The following PXDN variants were observed in gnomAD, a reference collection of about 807,000 sequenced individuals.
PXDN encodes peroxidasin homolog.
Under a neutral mutation model 140.3 loss-of-function variants are expected in PXDN, and 77 were observed. The observed-to-expected ratio is 0.55, with a 90% CI of 0.46 to 0.66. The LOEUF (loss-of-function observed/expected upper bound fraction) is 0.66. Among genes scored for constraint, PXDN ranks in the 30% least tolerant of loss-of-function variants. The pLI, the probability that PXDN is intolerant of heterozygous loss-of-function variation, is 0.00. For missense variants in PXDN, 1,838 were observed against 2,039.5 expected (o/e 0.90, Z 1.90); for synonymous variants, 911 against 857.4 (o/e 1.06, Z -1.09).
chr2:1,736,150 T>C (rs548704968), intron 1 of PXDN, among the ~76,000 whole-genome samples: 15 of 152,358 alleles, frequency 9.8e-5, no homozygotes, highest in African/African-American at 3.1e-4. Flanking sequence ...TGGAATGTTG[T>C]GGCTGGTTTG....
Position 1,648,192 on chromosome 2 carries a change from C to T in PXDN, c.3588G>A (p.Glu1196=). 6.2e-7 allele frequency: 1 copy of T among 1,612,474 alleles called. No homozygotes were observed. The highest frequency in any genetic ancestry group is 8.5e-7 in the Non-Finnish European group (1 of 1,178,588). Reference sequence around the variant, plus strand: ...CTCACCTTTTCAGTTTCTCCCGGATCTCAGGGTTTTTAATCTCATTTTTCA... The same window carrying T: ...CTCACCTTTTCAGTTTCTCCCGGATTTCAGGGTTTTTAATCTCATTTTTCA... ...EDLKNEIKNP[E]IREKLKRLYG... The change falls in exon 17 of 23, where the codon GAG becomes GAA. Residue 1196 remains glutamate, a synonymous_variant. Coordinates refer to ENST00000252804, the MANE Select transcript of PXDN (RefSeq NM_012293.3). This position sits in a 1 kb window ranked among gnomAD's most constrained non-coding sequence, Gnocchi z 8.9.
At chr2:1,642,861 C>G (rs1682761033) in intron 19 of PXDN, among the ~76,000 whole-genome samples, 1 of 152,220 alleles carries the variant, frequency 6.6e-6, no homozygotes. Flanking sequence ...ACAGGGCCCC[C>G]CGCGCCAATC....
rs1685361854 is a variant in PXDN at position 1,733,678 on chromosome 2, G to A, written c.200+10578C>T. ...AATCGCTTGAACCCGGGAGGCGGAG[G>A]CTGCAGTGAGCCGAGATGGTGCCAC... On this transcript the variant is annotated intron_variant, in intron 1 of 22. Transcript: ENST00000252804. Among the ~76,000 whole-genome samples, 5 of 148,946 alleles carry A rather than the reference G, an allele frequency of 3.4e-5. 1 individual carries two copies. The Admixed American group carries it at 3.4e-4, about 10-fold the overall frequency.
At chr2:1,652,570 C>T (rs1224794302) in intron 16 of PXDN, among the ~76,000 whole-genome samples, 1 of 152,054 alleles carries the variant, frequency 6.6e-6, no homozygotes, top group African/African-American at 2.4e-5. Context: ...AGGTCTCCAA[C>T]TCCAACATTT....
chr2:1,707,996 T>A (rs150788626), intron 1 of PXDN, among the ~76,000 whole-genome samples: 6 of 152,308 alleles, frequency 3.9e-5, no homozygotes, highest in African/African-American at 1.2e-4. Flanking sequence ...GCGGAGCTCT[T>A]CTCCAGCTGG....
Position 1,648,405 on chromosome 2 carries a change from C to T in PXDN, c.3375G>A (p.Ala1125=), listed in dbSNP as rs368582969. 12 of 1,611,988 alleles carry T rather than the reference C, an allele frequency of 7.4e-6. No homozygotes were observed. Among genetic ancestry groups the T allele is most frequent in the East Asian group, 4.5e-5 (2 of 44,878 alleles). The change falls in exon 17 of 23, where the codon GCG becomes GCA. Residue 1125 remains alanine (A), a synonymous_variant. Transcript: ENST00000252804. This position sits in a 1 kb window ranked among gnomAD's most constrained non-coding sequence, Gnocchi z 8.9. ...DPLLRGLFGV[A]GKMRVPSQLL... ...GCTGCGAGGGCACACGCATTTTCCC[C>T]GCCACCCCGAACAGCCCCCTGAGAA... is the stretch of plus-strand genomic sequence containing the variant.
At chr2:1,737,763 T>C (rs1685454088) in intron 1 of PXDN, among the ~76,000 whole-genome samples, 1 of 152,180 alleles carries the variant, frequency 6.6e-6, no homozygotes, top group Non-Finnish European at 1.5e-5. Context: ...GGTCTTGAAC[T>C]CCTGACCTCA....
intron 1 of PXDN, among the ~76,000 whole-genome samples, chr2:1,735,856 TC>T (rs1685415533): frequency 1.3e-5 from 2 of 152,204 alleles, no homozygotes; most frequent in Admixed American, 6.5e-5. Context: ...GATGGCATCT[TC>T]TTCCCATAGA....
At chr2:1,711,099 T>C (rs111161800) in intron 1 of PXDN, among the ~76,000 whole-genome samples, 38 of 19,172 alleles carry the variant, frequency 2.0e-3, no homozygotes, top group South Asian at 6.9e-3. Context: ...CACTCTCCAC[T>C]AGCACCCACT....
chr2:1,661,319 A>C (rs962055569), intron 13 of PXDN, among the ~76,000 whole-genome samples: 24 of 152,352 alleles, frequency 1.6e-4, no homozygotes, highest in African/African-American at 4.6e-4. Flanking sequence ...AAGAGGCACC[A>C]ATGATGGCTC....
Position 1,633,943 on chromosome 2 carries a change from A to C in PXDN, c.*261T>G, listed in dbSNP as rs1398799725. The C allele has an allele frequency of 2.7e-6, 1 of 373,544 alleles. No individual in the cohort carries two copies. Among genetic ancestry groups the C allele is most frequent in the African/African-American group, 2.1e-5 (1 of 48,752 alleles). The allele number at this position is 373,544 out of a possible 1,614,324, so 23.1% of individuals were successfully genotyped here. A position where few individuals can be genotyped will look rare whatever the true frequency, so the allele number is the denominator to read the frequency against. On this transcript the variant is annotated 3_prime_UTR_variant, in exon 23 of 23. Transcript: ENST00000252804. ...TAGCACCAATTTTTCATTTTAAAAG[A>C]ATTAAATAAAAACCTGAGAAGTCTA...
intron 7 of PXDN, among the ~76,000 whole-genome samples, chr2:1,678,425 G>T (rs1356720133): frequency 6.6e-6 from 1 of 152,112 alleles, no homozygotes; most frequent in African/African-American, 2.4e-5. Context: ...ACCTGAACGG[G>T]GTGAATTGTC....
At chr2:1,726,097 T>G (rs1465860982) in intron 1 of PXDN, among the ~76,000 whole-genome samples, 1 of 152,164 alleles carries the variant, frequency 6.6e-6, no homozygotes, top group East Asian at 1.9e-4. Context: ...CAAAGGACTA[T>G]AAATCATGCT....
intron 17 of PXDN, chr2:1,645,941 T>G (rs1305663770): frequency 6.6e-6 from 1 of 152,276 alleles, no homozygotes; most frequent in Non-Finnish European, 1.5e-5. Flanking sequence ...AGCCTCCACC[T>G]GAATCCAAGG....
At chr2:1,706,401 G>C (rs1346118218) in intron 1 of PXDN, among the ~76,000 whole-genome samples, 2 of 151,108 alleles carry the variant, frequency 1.3e-5, no homozygotes, top group African/African-American at 2.4e-5. Context: ...CATCCTGCTG[G>C]CATTGCCAGA....
intron 21 of PXDN, among the ~76,000 whole-genome samples, chr2:1,638,267 A>T (rs1043187958): frequency 6.6e-5 from 10 of 152,136 alleles, no homozygotes; most frequent in Non-Finnish European, 1.5e-4. Context: ...AAAATCCCAG[A>T]GATAACCCCC....
intron 22 of PXDN, 27 bp downstream of exon 22, chr2:1,635,381 C>A (rs762178146): frequency 2.7e-5 from 42 of 1,541,326 alleles, no homozygotes; most frequent in Non-Finnish European, 3.4e-5. Context: ...TACCTTAGGA[C>A]ATGAAGATAG....
chr2:1,704,603 G>T (rs1345707438), intron 1 of PXDN, among the ~76,000 whole-genome samples: 8 of 84,528 alleles, frequency 9.5e-5, no homozygotes, highest in Non-Finnish European at 4.4e-5. Context: ...CAGGTGAAGG[G>T]GGGCAGCTCC....
rs571430910 is a variant in PXDN at position 1,680,668 on chromosome 2, CGAG to C, written c.561-309_561-307del. Among the ~76,000 whole-genome samples, 400 of 152,256 alleles carry C rather than the reference CGAG, an allele frequency of 2.6e-3. 3 individuals are homozygous for C. Among genetic ancestry groups the C allele is most frequent in the African/African-American group, 9.3e-3 (386 of 41,544 alleles). On this transcript the variant is annotated intron_variant, in intron 6 of 22. Transcript: ENST00000252804. Reference sequence around the variant, plus strand: ...CAGGCATCGGGTGTCGAGCTCAAGGCGAGGGAGTGTGCCAGCGGCACAGGTCAG... The same window carrying C: ...CAGGCATCGGGTGTCGAGCTCAAGGCGGAGTGTGCCAGCGGCACAGGTCAG...
Sources: allele counts gnomAD v4.1 joint callset (sites outside exome capture counted in the v4.1 genomes callset), GRCh38; gene constraint gnomAD v4.1.1; non-coding constraint Gnocchi (gnomAD v3.1); transcripts MANE v1.5; gene names NCBI Gene and HGNC (gene_info 2026-07-23, HGNC 2026-07-21).